Variants in NAALADL2 observed in about 807,000 individuals in gnomAD.
NAALADL2 encodes inactive N-acetylated-alpha-linked acidic dipeptidase-like protein 2.
Under a neutral mutation model 87.2 loss-of-function variants are expected in NAALADL2, and 76 were observed. The ratio of observed to expected loss-of-function variants is 0.87; its 90% CI spans 0.72 to 1.05. NAALADL2 has a LOEUF of 1.05. NAALADL2 is among the 50% of genes least tolerant of loss of function. The pLI, the probability that NAALADL2 is intolerant of heterozygous loss-of-function variation, is 0.00. For synonymous variants in NAALADL2, 354 were observed against 331.0 expected, an observed-to-expected ratio of 1.07 and a Z score of -0.75; for missense variants, 1,089 against 945.8, an observed-to-expected ratio of 1.15 and a Z score of -1.99.
At chr3:175,273,083 A>G (rs1328064698) in intron 4 of NAALADL2, among the ~76,000 whole-genome samples, 1 of 152,082 alleles carries the variant, frequency 6.6e-6, no homozygotes, top group Admixed American at 6.5e-5. Context: ...ATGTAATTTT[A>G]GAGTCCTATT....
chr3:174,551,764 A>G (rs1712153191), intron 2 of NAALADL2, among the ~76,000 whole-genome samples: 1 of 152,244 alleles, frequency 6.6e-6, no homozygotes, highest in African/African-American at 2.4e-5. Context: ...TGTAACACAT[A>G]CTAATATTTT....
intron 1 of NAALADL2, among the ~76,000 whole-genome samples, chr3:174,898,112 C>CAAAAAA (rs913382744): frequency 0.015 from 218 of 14,486 alleles, 26 homozygotes; most frequent in East Asian, 0.029. Flanking sequence ...GACTCCGTCT[C>CAAAAAA]AAAAAAAAAA....
intron 11 of NAALADL2, among the ~76,000 whole-genome samples, chr3:175,693,041 G>T (rs555901146): frequency 8.5e-5 from 13 of 152,308 alleles, no homozygotes; most frequent in African/African-American, 2.9e-4. Context: ...ATTAAAATCA[G>T]CCAAGGGAAT....
At chr3:175,296,518 T>C (rs1357522291) in intron 4 of NAALADL2, among the ~76,000 whole-genome samples, 1 of 152,146 alleles carries the variant, frequency 6.6e-6, no homozygotes, top group Non-Finnish European at 1.5e-5. Flanking sequence ...TTATAGCCCT[T>C]TGTTTTTCCC....
intron 13 of NAALADL2, among the ~76,000 whole-genome samples, chr3:175,790,122 TTTTCTC>T (rs777641570): frequency 3.3e-5 from 5 of 152,174 alleles, no homozygotes; most frequent in Non-Finnish European, 4.4e-5. Context: ...ATTATGACCT[TTTTCTC>T]TTCATTTTGA....
chr3:174,900,860 A>G (rs1181736125), intron 1 of NAALADL2, among the ~76,000 whole-genome samples: 1 of 152,118 alleles, frequency 6.6e-6, no homozygotes, highest in Non-Finnish European at 1.5e-5. Flanking sequence ...AGTAAAATAC[A>G]TATCAGTAAG....
intron 3 of NAALADL2, among the ~76,000 whole-genome samples, chr3:174,848,481 A>G (rs995360952): frequency 1.3e-5 from 2 of 152,190 alleles, no homozygotes; most frequent in Non-Finnish European, 2.9e-5. Flanking sequence ...GATGTGGTTG[A>G]ATATAATGTT....
intron 4 of NAALADL2, among the ~76,000 whole-genome samples, chr3:175,266,713 A>G (rs1017924797): frequency 4.0e-5 from 6 of 151,812 alleles, no homozygotes; most frequent in African/African-American, 1.4e-4. Flanking sequence ...TCATAGAATG[A>G]AATTCAGAAA....
intron 3 of NAALADL2, among the ~76,000 whole-genome samples, chr3:174,839,440 A>G (rs1215011790): frequency 2.0e-5 from 3 of 152,210 alleles, no homozygotes; most frequent in Non-Finnish European, 4.4e-5. Context: ...TTAGGGAAGG[A>G]TTTCATGACC....
intron 2 of NAALADL2, among the ~76,000 whole-genome samples, chr3:175,182,550 GTTTTT>G (rs1161831796): frequency 4.3e-5 from 3 of 69,440 alleles, no homozygotes; most frequent in African/African-American, 1.2e-4. Context: ...ACCACAGCCA[GTTTTT>G]TTTTTTTTTT....
chr3:175,248,255 G>T (rs1208466809), intron 3 of NAALADL2, among the ~76,000 whole-genome samples: 1 of 152,100 alleles, frequency 6.6e-6, no homozygotes, highest in Non-Finnish European at 1.5e-5. Flanking sequence ...TTCTTTATTT[G>T]TAAAAAGGGG....
chr3:174,777,683 GAGA>G (rs1715380215), intron 3 of NAALADL2, among the ~76,000 whole-genome samples: 1 of 152,098 alleles, frequency 6.6e-6, no homozygotes. Flanking sequence ...CTGTCTGGAT[GAGA>G]AGATTTCCTT....
chr3:174,887,708 G>C (rs1019837161), intron 1 of NAALADL2, among the ~76,000 whole-genome samples: 4 of 152,070 alleles, frequency 2.6e-5, no homozygotes, highest in Non-Finnish European at 5.9e-5. Flanking sequence ...AAAGCAGGAA[G>C]ATCATTTGAG....
chr3:175,289,130 C>T (rs1755333519), intron 4 of NAALADL2, among the ~76,000 whole-genome samples: 1 of 68,608 alleles, frequency 1.5e-5, no homozygotes, highest in Non-Finnish European at 3.6e-5. Flanking sequence ...TTTTATGATG[C>T]AATAATTAGA....
chr3:174,989,734 A>G (rs913648695), intron 1 of NAALADL2, among the ~76,000 whole-genome samples: 2 of 152,334 alleles, frequency 1.3e-5, no homozygotes, highest in East Asian at 3.9e-4. Context: ...TGCAGTAAGA[A>G]ATTGAACCCG....
chr3:174,538,736 C>T (rs1721951319), intron 1 of NAALADL2, among the ~76,000 whole-genome samples: 1 of 152,134 alleles, frequency 6.6e-6, no homozygotes, highest in Non-Finnish European at 1.5e-5. Flanking sequence ...TTATCTTAAT[C>T]CAGACCTTCC....
At chr3:174,925,742 T>A (rs1347006446) in intron 1 of NAALADL2, among the ~76,000 whole-genome samples, 1 of 152,136 alleles carries the variant, frequency 6.6e-6, no homozygotes, top group Non-Finnish European at 1.5e-5. Context: ...TGTCGTCTTT[T>A]ATTTCATTGA....
intron 2 of NAALADL2, among the ~76,000 whole-genome samples, chr3:174,567,071 G>C (rs1157040523): frequency 6.6e-6 from 1 of 151,550 alleles, no homozygotes. Flanking sequence ...TCTCATTCTA[G>C]AATGCAAGAG....
At position 175,234,120 on chromosome 3, in the gene NAALADL2, G is replaced by T. The variant is rs1216423015; in HGVS notation, c.735G>T (p.Gln245His). The T allele has an allele frequency of 6.2e-7, 1 of 1,613,866 alleles. No homozygotes were observed. The highest frequency in any genetic ancestry group is 1.3e-5 in the African/African-American group (1 of 75,018). Residue 245 changes from glutamine (Q) to histidine (H), a missense_variant, in exon 3 of 14, where the codon CAG becomes CAT. Physicochemically the swap from Gln to His is conservative, Grantham distance 24. Coordinates refer to ENST00000454872, the MANE Select transcript of NAALADL2 (RefSeq NM_207015.3). ...SSGQCFHPNGQPCSEEARKDS... is the reference protein window; with the variant it reads ...SSGQCFHPNGHPCSEEARKDS... ...GTCAATGCTTTCATCCTAATGGCCA[G>T]CCTTGCAGTGAAGAAGCCAGAAAAG...
Sources: allele counts gnomAD v4.1 joint callset (sites outside exome capture counted in the v4.1 genomes callset), GRCh38; gene constraint gnomAD v4.1.1; transcripts MANE v1.5; gene names NCBI Gene and HGNC (gene_info 2026-07-23, HGNC 2026-07-21).